CDH2: variants seen among roughly 807,000 people sequenced by gnomAD.
CDH2 encodes the protein cadherin 2.
CDH2 carries 17 observed loss-of-function variants against 92.0 expected under a neutral mutation model. The observed-to-expected ratio is 0.18, with a 90% CI of 0.13 to 0.28. The LOEUF (loss-of-function observed/expected upper bound fraction) is 0.28. Ranked by LOEUF, CDH2 falls within the 10% of genes least tolerant of loss-of-function variation. The pLI is 1.00. For missense variants in CDH2, 862 were observed against 1,133.1 expected, an observed-to-expected ratio of 0.76 and a Z score of 3.44; for synonymous variants, 419 against 415.9, an observed-to-expected ratio of 1.01 and a Z score of -0.09.
At chr18:28,130,748 TG>T (rs1219633892) in intron 2 of CDH2, among the ~76,000 whole-genome samples, 4 of 152,206 alleles carry the variant, frequency 2.6e-5, no homozygotes, top group Non-Finnish European at 5.9e-5. Context: ...CACAGAGGGC[TG>T]TAATGCTGCC....
At chr18:27,982,764 A>G (rs2012098379) in intron 14 of CDH2, among the ~76,000 whole-genome samples, 180 bp downstream of exon 14, 1 of 151,684 alleles carries the variant, frequency 6.6e-6, no homozygotes, top group South Asian at 2.1e-4. Flanking sequence ...AAATACAATG[A>G]CATTTGGTAC....
chr18:28,003,210 T>G (rs1192025472), intron 6 of CDH2, 41 bp from the exon 7 acceptor site: 1 of 1,488,996 alleles, frequency 6.7e-7, no homozygotes, highest in Non-Finnish European at 9.3e-7. Context: ...TTACCCTTCA[T>G]TCCAGGGACC....
chr18:27,965,713 C>A (rs752782011), intron 14 of CDH2, among the ~76,000 whole-genome samples: 14 of 151,974 alleles, frequency 9.2e-5, no homozygotes, highest in Non-Finnish European at 1.6e-4. Flanking sequence ...CTATACACGA[C>A]AAAAAGAGGG....
At chr18:28,063,171 A>G (rs1031227188) in intron 2 of CDH2, among the ~76,000 whole-genome samples, 1 of 152,214 alleles carries the variant, frequency 6.6e-6, no homozygotes, top group African/African-American at 2.4e-5. Context: ...TATTTGTTGC[A>G]TTAAAAACTA....
chr18:28,036,442 A>G (rs777971358), intron 2 of CDH2: 1 of 1,018,618 alleles, frequency 9.8e-7, no homozygotes, highest in Non-Finnish European at 1.6e-6. Flanking sequence ...TCACCATGTT[A>G]TGGAATGAAT....
Position 28,019,371 on chromosome 18 carries a change from AAAGAG to A in CDH2, c.173-5467_173-5463del, listed in dbSNP as rs1806135538. 2.0e-5 allele frequency among the ~76,000 whole-genome samples: 3 copies of A among 151,990 alleles called. No individual in the cohort carries two copies. The South Asian group carries it at 6.3e-4, about 32-fold the overall frequency. ...GAGGGAAGGCAGGAAGGAAGGAAAG[AAAGAG>A]AAAAGAAAAAAGAAAAGAAAAAGAG... On this transcript the variant is annotated intron_variant, in intron 2 of 15. Transcript: ENST00000269141.
At chr18:28,013,640 G>T (rs2144037707) in intron 3 of CDH2, 43 bp downstream of exon 3, 1 of 1,394,218 alleles carries the variant, frequency 7.2e-7, no homozygotes, top group Non-Finnish European at 1.0e-6. Context: ...ACTGTATAAA[G>T]CTGATTTTTA....
chr18:28,030,339 C>CT (rs1415466039), intron 2 of CDH2, among the ~76,000 whole-genome samples: 1 of 151,792 alleles, frequency 6.6e-6, no homozygotes, highest in Non-Finnish European at 1.5e-5. Flanking sequence ...AAAAAAAGGA[C>CT]TTTTTTAAAA....
chr18:28,024,171 CT>C (rs759687698), intron 2 of CDH2, among the ~76,000 whole-genome samples: 48 of 152,252 alleles, frequency 3.2e-4, no homozygotes, highest in Non-Finnish European at 6.2e-4. Context: ...CACTTCATCA[CT>C]TTTGCATGCA....
chr18:27,992,891 A>T (rs777430232), intron 8 of CDH2, 51 bp from the exon 9 acceptor site: 10 of 1,429,230 alleles, frequency 7.0e-6, no homozygotes, highest in African/African-American at 1.4e-5. Flanking sequence ...CCACTGAAGG[A>T]CAACTTGTCT....
chr18:28,148,549 T>C (rs1341888213), intron 1 of CDH2, among the ~76,000 whole-genome samples: 3 of 152,190 alleles, frequency 2.0e-5, no homozygotes, highest in Non-Finnish European at 4.4e-5. Flanking sequence ...CTGACACAAT[T>C]GGAGGACAGT....
intron 15 of CDH2, among the ~76,000 whole-genome samples, chr18:27,956,656 T>C (rs1656367521): frequency 6.6e-6 from 1 of 152,214 alleles, no homozygotes; most frequent in Non-Finnish European, 1.5e-5. Flanking sequence ...TATTGGTTTC[T>C]GTCTCAAACG....
intron 2 of CDH2, among the ~76,000 whole-genome samples, chr18:28,132,079 G>T (rs2015781354): frequency 6.6e-6 from 1 of 152,162 alleles, no homozygotes; most frequent in East Asian, 1.9e-4. Context: ...TGTTCAAAAA[G>T]AAACACCTTT....
intron 1 of CDH2, among the ~76,000 whole-genome samples, chr18:28,154,087 G>A (rs552669563): frequency 1.3e-5 from 2 of 152,236 alleles, no homozygotes; most frequent in Admixed American, 6.5e-5. Context: ...CTTTCTGAAC[G>A]TTCTCAAAAC....
chr18:28,068,839 G>C (rs1030772891), intron 2 of CDH2, among the ~76,000 whole-genome samples: 4 of 152,168 alleles, frequency 2.6e-5, no homozygotes, highest in Non-Finnish European at 5.9e-5. Context: ...TAGGGAGTGT[G>C]CATTTGAAAA....
At chr18:28,123,459 C>G (rs1378887753) in intron 2 of CDH2, among the ~76,000 whole-genome samples, 1 of 152,116 alleles carries the variant, frequency 6.6e-6, no homozygotes, top group African/African-American at 2.4e-5. Context: ...TTTGCTAATA[C>G]TCAATTTTCC....
chr18:28,047,224 T>A (rs1406093845), intron 2 of CDH2, among the ~76,000 whole-genome samples: 1 of 152,162 alleles, frequency 6.6e-6, no homozygotes, highest in African/African-American at 2.4e-5. Context: ...ACCTAGAAGC[T>A]TGCTAGAAGC....
chr18:28,041,962 T>A (rs1028147502), intron 2 of CDH2, among the ~76,000 whole-genome samples: 10 of 152,144 alleles, frequency 6.6e-5, no homozygotes, highest in African/African-American at 2.2e-4. Flanking sequence ...ATAGCAGTCC[T>A]TAATTTTTAC....
intron 14 of CDH2, among the ~76,000 whole-genome samples, chr18:27,964,233 G>A (rs1053102185): frequency 6.6e-6 from 1 of 152,314 alleles, no homozygotes; most frequent in South Asian, 2.1e-4. Flanking sequence ...ATGCTGCCCT[G>A]TGGGAATGTC....
Sources: allele counts gnomAD v4.1 joint callset (sites outside exome capture counted in the v4.1 genomes callset), GRCh38; gene constraint gnomAD v4.1.1; transcripts MANE v1.5; gene names NCBI Gene and HGNC (gene_info 2026-07-23, HGNC 2026-07-21).